FAF1: variants seen among roughly 807,000 people sequenced by gnomAD.
The protein encoded by FAF1 is FAS-associated factor 1.
Under a neutral mutation model 92.5 loss-of-function variants are expected in FAF1, and 25 were observed. The observed-to-expected ratio is 0.27, with a 90% CI of 0.20 to 0.38. The LOEUF (loss-of-function observed/expected upper bound fraction) is 0.38. FAF1 is among the 10% of genes least tolerant of loss of function. FAF1 has a pLI of 1.00. For missense variants in FAF1, 636 were observed against 793.3 expected (o/e 0.80, Z 2.38); for synonymous variants, 234 against 273.2 (o/e 0.86, Z 1.42).
At chr1:50,889,375 T>C (rs1644699705) in intron 1 of FAF1, among the ~76,000 whole-genome samples, 1 of 152,220 alleles carries the variant, frequency 6.6e-6, no homozygotes, top group African/African-American at 2.4e-5. Context: ...TCAGTTCTGC[T>C]CTGATCTTAG....
chr1:50,545,835 T>C (rs1370901454), intron 13 of FAF1, among the ~76,000 whole-genome samples: 1 of 152,226 alleles, frequency 6.6e-6, no homozygotes, highest in African/African-American at 2.4e-5. Flanking sequence ...ACACAGTTAA[T>C]TACTGGATGT....
chr1:50,773,988 A>C (rs1375673273), intron 4 of FAF1, among the ~76,000 whole-genome samples: 2 of 152,218 alleles, frequency 1.3e-5, no homozygotes, highest in East Asian at 3.8e-4. Context: ...GAATTAAAGA[A>C]TATTTCTAAC....
chr1:50,900,107 G>A (rs1644784770), intron 1 of FAF1, among the ~76,000 whole-genome samples: 1 of 152,022 alleles, frequency 6.6e-6, no homozygotes, highest in Non-Finnish European at 1.5e-5. Flanking sequence ...TCTGAGAAAT[G>A]CCTGGAAAAA....
chr1:50,664,423 G>T (rs766749384), intron 7 of FAF1, among the ~76,000 whole-genome samples: 3 of 151,708 alleles, frequency 2.0e-5, no homozygotes, highest in South Asian at 2.1e-4. Context: ...AAACTTGGAA[G>T]ATATCTATAT....
intron 2 of FAF1, among the ~76,000 whole-genome samples, chr1:50,803,024 G>A (rs953645751): frequency 1.3e-4 from 20 of 152,290 alleles, no homozygotes; most frequent in Non-Finnish European, 1.6e-4. Flanking sequence ...CAAATCCATA[G>A]ATTAACATAG....
intron 8 of FAF1, among the ~76,000 whole-genome samples, chr1:50,596,494 A>C (rs1475181335): frequency 6.6e-6 from 1 of 152,098 alleles, no homozygotes; most frequent in African/African-American, 2.4e-5. Flanking sequence ...CTTGCCCCCA[A>C]TCCCCCACTG....
chr1:50,706,106 A>C, intron 6 of FAF1: 1 of 451,972 alleles, frequency 2.2e-6, no homozygotes, highest in Non-Finnish European at 4.0e-6. Flanking sequence ...AGGTGTTTTT[A>C]AATTTCAAGT....
At chr1:50,648,300 C>T (rs760755641) in intron 8 of FAF1, among the ~76,000 whole-genome samples, 54 of 151,822 alleles carry the variant, frequency 3.6e-4, no homozygotes, top group Non-Finnish European at 5.6e-4. Flanking sequence ...ACAAAAAGGT[C>T]TTCAAGGAAG....
intron 1 of FAF1, among the ~76,000 whole-genome samples, chr1:50,929,757 A>G (rs932984281): frequency 6.6e-6 from 1 of 152,228 alleles, no homozygotes; most frequent in Non-Finnish European, 1.5e-5. Flanking sequence ...ACGATTCACA[A>G]TTATTCAGGT....
intron 7 of FAF1, among the ~76,000 whole-genome samples, chr1:50,694,792 CAAAAAAAAA>C (rs371721063): frequency 5.4e-5 from 3 of 55,808 alleles, no homozygotes; most frequent in Admixed American, 2.2e-4. Context: ...CTAAAAAATA[CAAAAAAAAA>C]AAAAAAAAAA....
intron 4 of FAF1, 72 bp downstream of exon 4, chr1:50,787,928 A>G (rs1337862013): frequency 7.3e-7 from 1 of 1,367,910 alleles, no homozygotes; most frequent in African/African-American, 1.4e-5. Context: ...TCAACTAGAA[A>G]TAAAAAAAAT....
Position 50,750,023 on chromosome 1 carries a change from T to C in FAF1, c.368-5248A>G, listed in dbSNP as rs534946539. On this transcript the variant is annotated intron_variant, in intron 4 of 18. Coordinates refer to ENST00000396153, the MANE Select transcript of FAF1 (RefSeq NM_007051.3). ...ACACATAAGTGCCTAGCATAGTACC[T>C]GGGCAGTATAGGTTCTCAAAACACA... Among the ~76,000 whole-genome samples the C allele has an allele frequency of 1.6e-4, 24 of 152,300 alleles. 1 individual carries two copies. Among genetic ancestry groups the C allele is most frequent in the Admixed American group, 1.4e-3 (21 of 15,292 alleles).
chr1:50,516,757 T>C (rs1647234543), intron 15 of FAF1, among the ~76,000 whole-genome samples: 1 of 152,218 alleles, frequency 6.6e-6, no homozygotes. Context: ...AGTAATTAGA[T>C]ATCTACAGCT....
chr1:50,831,973 C>T (rs995909027), intron 2 of FAF1, among the ~76,000 whole-genome samples: 2 of 151,818 alleles, frequency 1.3e-5, no homozygotes, highest in African/African-American at 4.8e-5. Context: ...ACTGTGCATG[C>T]GAGGGATCTA....
chr1:50,602,785 A>C (rs1652206413), intron 8 of FAF1, among the ~76,000 whole-genome samples: 1 of 152,080 alleles, frequency 6.6e-6, no homozygotes, highest in African/African-American at 2.4e-5. Flanking sequence ...TACAGATAGG[A>C]GCCACCTCAC....
chr1:50,566,989 A>T (rs911129596), intron 13 of FAF1, 88 bp downstream of exon 13: 17 of 1,013,780 alleles, frequency 1.7e-5, no homozygotes, highest in Middle Eastern at 2.5e-4. Flanking sequence ...TTTAATGCTG[A>T]GGATGAAAAA....
At chr1:50,545,583 T>TA (rs1292406152) in intron 13 of FAF1, among the ~76,000 whole-genome samples, 7 of 145,686 alleles carry the variant, frequency 4.8e-5, no homozygotes, top group Non-Finnish European at 9.1e-5. Flanking sequence ...AGCTATATTT[T>TA]AAAAAAAAAG....
intron 18 of FAF1, among the ~76,000 whole-genome samples, chr1:50,459,159 A>G (rs959417604): frequency 2.0e-5 from 3 of 151,946 alleles, no homozygotes; most frequent in Non-Finnish European, 4.4e-5. Flanking sequence ...TTTTTAGTAG[A>G]GACGATGTAT....
At chr1:50,839,839 T>C (rs1037863642) in intron 2 of FAF1, among the ~76,000 whole-genome samples, 2 of 152,058 alleles carry the variant, frequency 1.3e-5, no homozygotes, top group South Asian at 2.1e-4. Flanking sequence ...TTCAAAAAGC[T>C]AAGGCTTTTC....
Sources: gnomAD v4.1 joint callset for allele counts (sites outside exome capture counted in the v4.1 genomes callset) on GRCh38, gnomAD v4.1.1 for gene constraint, MANE v1.5 for transcripts, NCBI Gene and HGNC (gene_info 2026-07-23, HGNC 2026-07-21) for gene names.